Variants in FBXO25 observed in about 807,000 individuals in gnomAD.
FBXO25 encodes F-box only protein 25.
In FBXO25, 45 loss-of-function variants were observed where a neutral mutation model predicts 51.9. The ratio of observed to expected loss-of-function variants is 0.87; its 90% CI spans 0.68 to 1.11. The LOEUF (loss-of-function observed/expected upper bound fraction) is 1.11, where lower values mean the gene tolerates loss of function less well. Ranked by LOEUF, FBXO25 falls within the 50% of genes most tolerant of loss-of-function variation. The pLI is 0.00. For missense variants in FBXO25, 507 were observed against 428.5 expected (o/e 1.18, Z -1.62); for synonymous variants, 199 against 151.0 (o/e 1.32, Z -2.33).
intron 7 of FBXO25, among the ~76,000 whole-genome samples, chr8:454,229 A>G (rs1008379774): frequency 7.2e-5 from 11 of 152,380 alleles, no homozygotes; most frequent in Non-Finnish European, 1.2e-4. Context: ...AGAACATCAG[A>G]AATTTTTTTT....
At chr8:424,397 G>T (rs1315216891) in intron 2 of FBXO25, among the ~76,000 whole-genome samples, 1 of 152,008 alleles carries the variant, frequency 6.6e-6, no homozygotes, top group Non-Finnish European at 1.5e-5. Context: ...TTTTGTTTTT[G>T]TTGCATTTGT....
chr8:459,699 G>T (rs1181593368), intron 8 of FBXO25, among the ~76,000 whole-genome samples: 4 of 152,218 alleles, frequency 2.6e-5, no homozygotes, highest in Non-Finnish European at 5.9e-5. Flanking sequence ...CTCACGGAGT[G>T]TGTCTGAGAG....
At chr8:463,297 G>T in intron 9 of FBXO25, 147 bp downstream of exon 9, 1 of 906,884 alleles carries the variant, frequency 1.1e-6, no homozygotes, top group South Asian at 1.6e-5. Context: ...AAATATTGGG[G>T]TAGGGGAACA....
chr8:461,570 G>T (rs1227681133), intron 8 of FBXO25, among the ~76,000 whole-genome samples: 1 of 152,126 alleles, frequency 6.6e-6, no homozygotes, highest in African/African-American at 2.4e-5. Context: ...ACGGCACATG[G>T]GAATTATGGG....
chr8:455,567 A>T lies in FBXO25; in HGVS notation c.661-2802A>T, dbSNP rs771217013. 6.2e-4 allele frequency among the ~76,000 whole-genome samples: 95 copies of T among 152,214 alleles called. 1 individual carries two copies. Among genetic ancestry groups the T allele is most frequent in the Non-Finnish European group, 2.5e-4 (17 of 68,038 alleles). ...CGATCTTGGGCAAGCCAGTCAACTCATCTGTATCTCTGTTTTTTTTCTGTG... is the reference window on the plus strand; with the variant it reads ...CGATCTTGGGCAAGCCAGTCAACTCTTCTGTATCTCTGTTTTTTTTCTGTG... On this transcript the variant is annotated intron_variant, in intron 7 of 9. Coordinates refer to ENST00000350302, the MANE Select transcript of FBXO25 (RefSeq NM_183420.2).
At chr8:464,136 G>C (rs1254881687) in intron 9 of FBXO25, among the ~76,000 whole-genome samples, 1 of 152,130 alleles carries the variant, frequency 6.6e-6, no homozygotes, top group Admixed American at 6.5e-5. Context: ...GTTTTTGGTA[G>C]AGACAGGGTT....
chr8:476,603 T>C lies in FBXO25; in HGVS notation c.*7799T>C, dbSNP rs1332606806. On this transcript the variant is annotated 3_prime_UTR_variant, in exon 10 of 10. Transcript: ENST00000350302. Reference sequence around the variant, plus strand: ...TGATAGGCTGTGTGTTTCTAAGAATTTGTCCAGTTCATCTAGGTTATCCAA... The same window carrying C: ...TGATAGGCTGTGTGTTTCTAAGAATCTGTCCAGTTCATCTAGGTTATCCAA... 6.6e-6 allele frequency: 1 copy of C among 152,200 alleles called. No individual in the cohort carries two copies. The highest frequency in any genetic ancestry group is 1.5e-5 in the Non-Finnish European group (1 of 68,034). The allele number at this position is 152,200 out of a possible 1,614,324, so 9.4% of individuals were successfully genotyped here.
intron 5 of FBXO25, among the ~76,000 whole-genome samples, chr8:441,273 C>T (rs1249548409): frequency 6.6e-6 from 1 of 152,152 alleles, no homozygotes; most frequent in Non-Finnish European, 1.5e-5. Context: ...CTAAAGGATT[C>T]CCTATTTAAT....
Position 474,094 on chromosome 8 carries a change from C to T in FBXO25, c.*5290C>T, listed in dbSNP as rs972646137. On this transcript the variant is annotated 3_prime_UTR_variant, in exon 10 of 10. Transcript: ENST00000350302. ...TCTTGTAAAACTGAAGCTCTGTACCCATTAAGCACCAACTCCCTATTCCCC... is the reference window on the plus strand; with the variant it reads ...TCTTGTAAAACTGAAGCTCTGTACCTATTAAGCACCAACTCCCTATTCCCC... The T allele has an allele frequency of 3.9e-5, 6 of 153,554 alleles. No individual in the cohort carries two copies. The highest frequency in any genetic ancestry group is 1.4e-4 in the African/African-American group (6 of 41,458). 9.5% of individuals were successfully genotyped at this position (153,554 alleles called of 1,614,324 possible). A position where few individuals can be genotyped will look rare whatever the true frequency, so the allele number is the denominator to read the frequency against.
Position 474,366 on chromosome 8 carries a change from C to G in FBXO25, c.*5562C>G, listed in dbSNP as rs1480120092. On this transcript the variant is annotated 3_prime_UTR_variant, in exon 10 of 10. Transcript: ENST00000350302. ...TTGAGGACACTTGAGTTGCTTCCACCTTTTAGCTATTGTGAATATTGCTGC... is the reference window on the plus strand; with the variant it reads ...TTGAGGACACTTGAGTTGCTTCCACGTTTTAGCTATTGTGAATATTGCTGC... 5 of 256,546 alleles carry G rather than the reference C, an allele frequency of 1.9e-5. No individual in the cohort carries two copies. In the East Asian group the frequency reaches 4.8e-4, roughly 24 times the overall value. 15.9% of individuals were successfully genotyped at this position (256,546 alleles called of 1,614,324 possible).
chr8:457,210 TC>T (rs1269549878), intron 7 of FBXO25, among the ~76,000 whole-genome samples: 1 of 152,124 alleles, frequency 6.6e-6, no homozygotes, highest in Non-Finnish European at 1.5e-5. Context: ...GTAGCCTCTG[TC>T]CCGCCCAAAC....
At chr8:426,873 A>C (rs1797520130) in intron 2 of FBXO25, among the ~76,000 whole-genome samples, 2 of 149,966 alleles carry the variant, frequency 1.3e-5, no homozygotes, top group African/African-American at 4.9e-5. Flanking sequence ...AGGGTGTGTT[A>C]AGAGTCCGTA....
At chr8:430,198 G>T (rs796945561) in intron 2 of FBXO25, among the ~76,000 whole-genome samples, 1 of 152,168 alleles carries the variant, frequency 6.6e-6, no homozygotes, top group Non-Finnish European at 1.5e-5. Flanking sequence ...TAGAAAAACC[G>T]TTATAGATTC....
At chr8:441,448 T>C (rs1242460342) in intron 5 of FBXO25, among the ~76,000 whole-genome samples, 1 of 152,166 alleles carries the variant, frequency 6.6e-6, no homozygotes, top group African/African-American at 2.4e-5. Context: ...ATTCAGGACA[T>C]AGGCATGGGC....
At chr8:442,519 G>C (rs1265946165) in intron 5 of FBXO25, among the ~76,000 whole-genome samples, 1 of 152,032 alleles carries the variant, frequency 6.6e-6, no homozygotes, top group African/African-American at 2.4e-5. Context: ...GCCCAGGCTG[G>C]AGTGCAGTGG....
chr8:466,197 G>T (rs538171437), intron 9 of FBXO25, among the ~76,000 whole-genome samples: 34 of 152,238 alleles, frequency 2.2e-4, no homozygotes, highest in Non-Finnish European at 4.3e-4. Flanking sequence ...CAAGATGTCA[G>T]GTACTTCTTG....
intron 8 of FBXO25, among the ~76,000 whole-genome samples, chr8:462,111 C>T (rs1052911223): frequency 2.0e-5 from 3 of 152,180 alleles, no homozygotes; most frequent in Non-Finnish European, 2.9e-5. Context: ...CACATTCCCC[C>T]AGCAGTGTGT....
chr8:407,277 C>CG, intron 1 of FBXO25: 1 of 878,522 alleles, frequency 1.1e-6, no homozygotes, highest in South Asian at 5.2e-5. Flanking sequence ...AGGTGGGGAC[C>CG]GGGGGCCTCG....
rs1244540172 is a variant in FBXO25 at position 469,980 on chromosome 8, A to G, written c.*1176A>G. 6.6e-6 allele frequency: 1 copy of G among 152,242 alleles called. No individual in the cohort carries two copies. The highest frequency in any genetic ancestry group is 2.4e-5 in the African/African-American group (1 of 41,460). 9.4% of individuals were successfully genotyped at this position (152,242 alleles called of 1,614,324 possible). ...TCAAATTATAGTTTCTCCTGAGGCG[A>G]TGCAAATACCTGGGGCCTCTGCGAA... is the stretch of plus-strand genomic sequence containing the variant. On this transcript the variant is annotated 3_prime_UTR_variant, in exon 10 of 10. Transcript: ENST00000350302.
Sources: gnomAD v4.1 joint callset for allele counts (sites outside exome capture counted in the v4.1 genomes callset) on GRCh38, gnomAD v4.1.1 for gene constraint, MANE v1.5 for transcripts, NCBI Gene and HGNC (gene_info 2026-07-23, HGNC 2026-07-21) for gene names.